PCDH11Y: variants seen among roughly 807,000 people sequenced by gnomAD.
PCDH11Y encodes the protein protocadherin-11 Y-linked.
For missense variants in PCDH11Y, 12 were observed against 224.8 expected, an observed-to-expected ratio of 0.05 and a Z score of 6.05; for synonymous variants, 9 against 83.6, an observed-to-expected ratio of 0.11 and a Z score of 4.87.
chrY:5,329,689 A>T, intron 2 of PCDH11Y, among the ~76,000 whole-genome samples: 1 of 33,094 alleles, frequency 3.0e-5, no homozygotes, highest in Non-Finnish European at 7.4e-5. Context: ...TGGATAAAAC[A>T]TGTCTCTTTT....
upstream of PCDH11Y, among the ~76,000 whole-genome samples, chrY:5,051,610 G>A: frequency 3.0e-5 from 1 of 33,242 alleles, no homozygotes; most frequent in Non-Finnish European, 7.4e-5. Context: ...ATCAGATTTT[G>A]AAACCCTGTT....
intron 2 of PCDH11Y, among the ~76,000 whole-genome samples, chrY:5,445,494 G>A (rs1602926931): frequency 1.7e-4 from 3 of 17,334 alleles, no homozygotes; most frequent in East Asian, 1.3e-3. Flanking sequence ...CTTCCTTTTC[G>A]CCCTCCTCTT....
At chrY:5,413,096 G>T in intron 2 of PCDH11Y, among the ~76,000 whole-genome samples, 7 of 32,854 alleles carry the variant, frequency 2.1e-4, no homozygotes. Flanking sequence ...TTTTATTTCT[G>T]TAACCAGTTA....
At chrY:5,044,682 A>C (rs1602846962) in intron 3 of PCDH11Y, among the ~76,000 whole-genome samples, 14 of 32,623 alleles carry the variant, frequency 4.3e-4, no homozygotes, top group Non-Finnish European at 6.7e-4. Context: ...CTTTCTGTCT[A>C]GTTGATCTGT....
chrY:5,105,133 T>G (rs2052787323), downstream of PCDH11Y: 1 of 99,037 alleles, frequency 1.0e-5, no homozygotes, highest in Non-Finnish European at 1.3e-5. Context: ...TCCCAGCTAC[T>G]CGGGAGGCTG....
At chrY:5,198,066 T>C in intron 2 of PCDH11Y, among the ~76,000 whole-genome samples, 2 of 30,848 alleles carry the variant, frequency 6.5e-5, no homozygotes, top group African/African-American at 2.5e-4. Flanking sequence ...AGCTAATGTG[T>C]GTTAAATAGC....
intron 4 of PCDH11Y, among the ~76,000 whole-genome samples, chrY:5,647,165 C>T (rs2053527927): frequency 3.0e-5 from 1 of 32,970 alleles, no homozygotes; most frequent in Non-Finnish European, 7.5e-5. Flanking sequence ...TTAAGTGGAC[C>T]CTTATCTGAC....
intron 4 of PCDH11Y, among the ~76,000 whole-genome samples, chrY:5,583,225 T>A: frequency 1.5e-4 from 5 of 32,930 alleles, no homozygotes; most frequent in Non-Finnish European, 3.8e-4. Context: ...TCTATTCTGT[T>A]CCGTTGGTCT....
At chrY:5,295,434 T>G in intron 2 of PCDH11Y, among the ~76,000 whole-genome samples, 1 of 33,397 alleles carries the variant, frequency 3.0e-5, no homozygotes, top group African/African-American at 1.2e-4. Context: ...TGGAGTGCAG[T>G]GACGTGATGT....
intron 2 of PCDH11Y, among the ~76,000 whole-genome samples, chrY:5,239,924 T>A: frequency 3.0e-5 from 1 of 33,421 alleles, no homozygotes. Context: ...TTTGCTACAT[T>A]GATTGGCTCT....
chrY:5,407,871 G>A (rs1280643409), intron 2 of PCDH11Y, among the ~76,000 whole-genome samples: 251 of 22,574 alleles, frequency 0.011, no homozygotes, highest in Admixed American at 0.1. Flanking sequence ...CCGAGATCGC[G>A]CCACTGCGCT....
downstream of PCDH11Y, among the ~76,000 whole-genome samples, chrY:5,108,485 T>C (rs568744488): frequency 0.019 from 620 of 32,387 alleles, no homozygotes; most frequent in South Asian, 0.24. Flanking sequence ...TGGTGGCTTA[T>C]GCCTGTAATC....
At chrY:5,209,328 C>G (rs2124650838) in intron 2 of PCDH11Y, among the ~76,000 whole-genome samples, 16 of 33,389 alleles carry the variant, frequency 4.8e-4, no homozygotes, top group African/African-American at 1.9e-3. Context: ...AGAGACCAGA[C>G]TAACATAGGC....
intron 3 of PCDH11Y, among the ~76,000 whole-genome samples, chrY:5,042,511 A>C: frequency 3.5e-5 from 1 of 28,293 alleles, no homozygotes; most frequent in African/African-American, 1.4e-4. Context: ...TGGTTACTGT[A>C]GCCTTGTAGT....
chrY:5,541,987 C>T (rs2053407720), intron 3 of PCDH11Y, among the ~76,000 whole-genome samples: 1 of 30,799 alleles, frequency 3.2e-5, no homozygotes, highest in South Asian at 7.6e-4. Flanking sequence ...AGGGTGAATA[C>T]GGAGCAGATA....
At chrY:5,407,608 C>G (rs1602920751) in intron 2 of PCDH11Y, among the ~76,000 whole-genome samples, 12 of 32,665 alleles carry the variant, frequency 3.7e-4, no homozygotes, top group South Asian at 2.1e-3. Context: ...TAATAGAGTT[C>G]TATAACATAG....
intron 4 of PCDH11Y, among the ~76,000 whole-genome samples, chrY:5,615,544 A>C: frequency 2.9e-5 from 1 of 34,174 alleles, no homozygotes; most frequent in Non-Finnish European, 7.3e-5. Context: ...AACAGGCTTA[A>C]AATGGAAGTT....
intron 2 of PCDH11Y, among the ~76,000 whole-genome samples, chrY:5,248,070 G>A: frequency 3.1e-5 from 1 of 31,974 alleles, no homozygotes; most frequent in Non-Finnish European, 7.6e-5. Context: ...TTCTGAAATT[G>A]AGGCAGTAAT....
chrY:5,277,827 G>A, intron 2 of PCDH11Y, among the ~76,000 whole-genome samples: 3 of 32,584 alleles, frequency 9.2e-5, no homozygotes, highest in African/African-American at 2.4e-4. Flanking sequence ...CAGGCTTTAC[G>A]TGTATCCTGA....
Sources: allele counts gnomAD v4.1 joint callset (sites outside exome capture counted in the v4.1 genomes callset), GRCh38; gene constraint gnomAD v4.1.1; transcripts MANE v1.5; gene names NCBI Gene and HGNC (gene_info 2026-07-23, HGNC 2026-07-21).